The following TACC2 variants were observed in gnomAD, a reference collection of about 807,000 sequenced individuals.
TACC2 encodes transforming acidic coiled-coil containing protein 2, also known as transforming acidic coiled-coil-containing protein 2.
In TACC2, 137 loss-of-function variants were observed where a neutral mutation model predicts 227.3. The observed-to-expected ratio is 0.60, with a 90% CI of 0.52 to 0.69. TACC2 has a LOEUF of 0.69. TACC2 is among the 30% of genes least tolerant of loss of function. The pLI is 0.00. For missense variants in TACC2, 3,470 were observed against 3,694.4 expected (o/e 0.94, Z 1.57); for synonymous variants, 1,523 against 1,487.5 (o/e 1.02, Z -0.55).
intron 5 of TACC2, among the ~76,000 whole-genome samples, chr10:122,102,664 C>T (rs763349954): frequency 5.9e-5 from 9 of 152,164 alleles, no homozygotes; most frequent in Non-Finnish European, 1.3e-4. Flanking sequence ...CACACTGGCC[C>T]CTGGGAGAGC....
rs199696107 is a variant in TACC2, at chr10:122,210,651, G to C, written c.6226G>C (p.Val2076Leu). 2.5e-6 allele frequency: 4 copies of C among 1,613,946 alleles called. No individual in the cohort carries two copies. Among genetic ancestry groups the C allele is most frequent in the South Asian group, 1.1e-5 (1 of 91,062 alleles). The change falls in exon 9 of 23, where the codon GTC becomes CTC. Residue 2076 changes from valine (V) to leucine (L), a missense_variant. Val to Leu is a conservative substitution (Grantham distance 32, BLOSUM62 1). Around this residue, in one of 10 missense-constraint regions of TACC2, gnomAD observed 593 missense variants for 636.6 expected, o/e 0.93. Transcript: ENST00000369005. The surrounding 1 kb of genome is among the most constrained non-coding windows in gnomAD (Gnocchi z 4.6). Reference protein sequence around the residue: ...VNTRRKSTDSVPISKSTLSRS... With the variant: ...VNTRRKSTDSLPISKSTLSRS... ...CACACGGAGGAAGTCCACGGATTCCGTCCCCATCTCTAAGTCTACACTGTC... is the reference window on the plus strand; with the variant it reads ...CACACGGAGGAAGTCCACGGATTCCCTCCCCATCTCTAAGTCTACACTGTC...
At chr10:122,245,698 G>C (rs574964807) in intron 19 of TACC2, among the ~76,000 whole-genome samples, 20 of 152,202 alleles carry the variant, frequency 1.3e-4, no homozygotes, top group Admixed American at 7.8e-4. Context: ...CTGATTCCAG[G>C]GGTCACAGAG....
chr10:122,121,893 C>G (rs1489746425), intron 5 of TACC2, among the ~76,000 whole-genome samples: 2 of 152,206 alleles, frequency 1.3e-5, no homozygotes, highest in African/African-American at 4.8e-5. Flanking sequence ...TGGGGCTGTG[C>G]CGCTGAACTC....
chr10:122,240,117 C>T (rs2095954050), intron 18 of TACC2, among the ~76,000 whole-genome samples: 1 of 152,144 alleles, frequency 6.6e-6, no homozygotes, highest in Non-Finnish European at 1.5e-5. Flanking sequence ...GAGAGCACTG[C>T]CTCTTAGGGT....
chr10:122,085,468 C>G lies in TACC2; in HGVS notation c.2968C>G (p.Pro990Ala). 6.2e-7 allele frequency: 1 copy of G among 1,613,710 alleles called. No individual in the cohort carries two copies. Among genetic ancestry groups the G allele is most frequent in the Non-Finnish European group, 8.5e-7 (1 of 1,180,028 alleles). The change falls in exon 4 of 23, where the codon CCA becomes GCA. Residue 990 changes from proline to alanine, a missense_variant. Pro to Ala is a conservative substitution (Grantham distance 27). Around this residue, in one of 10 missense-constraint regions of TACC2, gnomAD observed 1,924 missense variants for 1,978.3 expected, o/e 0.97. Coordinates refer to ENST00000369005, the MANE Select transcript of TACC2 (RefSeq NM_206862.4). ...RKETCCTGQG[P>A]NKSQQALADA... ...GGAAACTTGCTGCACTGGGCAGGGG[C>G]CAAACAAGTCTCAACAGGCATTGGC...
chr10:122,226,871 T>G (rs923166924), intron 13 of TACC2, among the ~76,000 whole-genome samples: 3 of 152,174 alleles, frequency 2.0e-5, no homozygotes, highest in Non-Finnish European at 4.4e-5. Flanking sequence ...TCTCGCCCAG[T>G]GCACACACAC....
At chr10:122,207,296 C>T (rs876442) in intron 8 of TACC2, among the ~76,000 whole-genome samples, 2 of 144,964 alleles carry the variant, frequency 1.4e-5, no homozygotes, top group East Asian at 4.0e-4. Context: ...GGGACTATTT[C>T]AAAAAAAAAA....
At chr10:122,147,391 C>T (rs944681008) in intron 7 of TACC2, among the ~76,000 whole-genome samples, 4 of 152,150 alleles carry the variant, frequency 2.6e-5, no homozygotes, top group Admixed American at 2.0e-4. Flanking sequence ...GTGACCCGTC[C>T]GCCTTGACCT....
At chr10:122,202,946 G>A (rs1161247480) in intron 8 of TACC2, among the ~76,000 whole-genome samples, 2 of 151,382 alleles carry the variant, frequency 1.3e-5, no homozygotes, top group Non-Finnish European at 2.9e-5. Flanking sequence ...AGTGGATACA[G>A]CACATGTTTC....
chr10:122,101,724 T>C (rs1397015451), intron 5 of TACC2, among the ~76,000 whole-genome samples: 1 of 22,320 alleles, frequency 4.5e-5, no homozygotes, highest in African/African-American at 1.5e-4. Flanking sequence ...CATGCCCAGC[T>C]TTTTTTTTTT....
In TACC2 at chr10:122,084,107, C is replaced by T. The variant is rs763681670; in HGVS notation, c.1607C>T (p.Pro536Leu). The change falls in exon 4 of 23, where the codon CCC becomes CTC. Residue 536 changes from proline (P) to leucine (L), a missense_variant. Physicochemically the swap from Pro to Leu is moderately conservative, Grantham distance 98. Around this residue, in one of 10 missense-constraint regions of TACC2, gnomAD observed 1,924 missense variants for 1,978.3 expected, o/e 0.97. Coordinates refer to ENST00000369005, the MANE Select transcript of TACC2 (RefSeq NM_206862.4). Reference protein sequence around the residue: ...VQPGAPPPPLPKAPSESARGP... With the variant: ...VQPGAPPPPLLKAPSESARGP... Reference sequence around the variant, plus strand: ...CCAGGAGCACCACCCCCTCCTCTTCCCAAGGCACCAAGTGAAAGTGCCAGA... The same window carrying T: ...CCAGGAGCACCACCCCCTCCTCTTCTCAAGGCACCAAGTGAAAGTGCCAGA... 6 of 1,613,918 alleles carry T rather than the reference C, an allele frequency of 3.7e-6. No homozygotes were observed. In the African/African-American group the frequency reaches 6.7e-5, roughly 18 times the overall value.
At chr10:122,016,625 G>C (rs963882761) in intron 1 of TACC2, among the ~76,000 whole-genome samples, 2 of 151,640 alleles carry the variant, frequency 1.3e-5, no homozygotes, top group Non-Finnish European at 2.9e-5. Flanking sequence ...CACCTCTGTG[G>C]TCTGAAGCTC....
In TACC2 at chr10:121,999,841, A is replaced by T. The variant is rs554815895; in HGVS notation, c.-46+10353A>T. Among the ~76,000 whole-genome samples the T allele has an allele frequency of 8.5e-5, 13 of 152,344 alleles. 1 individual carries two copies. The East Asian group carries it at 2.5e-3, about 29-fold the overall frequency. ...AAGGGCAATCGGTCACTCCTTCCAG[A>T]GCTTCGGTCAGATGGGTAGATACCA... On this transcript the variant is annotated intron_variant, in intron 1 of 22. Coordinates refer to ENST00000369005, the MANE Select transcript of TACC2 (RefSeq NM_206862.4).
chr10:122,046,175 CA>C (rs1339823336), intron 2 of TACC2, among the ~76,000 whole-genome samples: 3 of 145,374 alleles, frequency 2.1e-5, no homozygotes, highest in African/African-American at 7.6e-5. Flanking sequence ...AACTCCATCT[CA>C]AAAATCATAA....
chr10:122,077,790 G>A (rs1361824284), intron 3 of TACC2, among the ~76,000 whole-genome samples: 2 of 152,194 alleles, frequency 1.3e-5, no homozygotes, highest in East Asian at 3.9e-4. Context: ...TTGCGTTACC[G>A]GCTCTTTGAC....
At chr10:122,164,871 G>C (rs1247066570) in intron 7 of TACC2, among the ~76,000 whole-genome samples, 1 of 152,152 alleles carries the variant, frequency 6.6e-6, no homozygotes, top group Non-Finnish European at 1.5e-5. Context: ...TAGTAAAGTG[G>C]GTTCTTAAGA....
intron 6 of TACC2, among the ~76,000 whole-genome samples, chr10:122,142,493 A>G (rs551671506): frequency 2.6e-5 from 4 of 152,346 alleles, no homozygotes; most frequent in Admixed American, 1.3e-4. Context: ...GTGGGTGCCT[A>G]TGGCAGCTGC....
intron 3 of TACC2, among the ~76,000 whole-genome samples, chr10:122,057,756 G>T (rs1465154570): frequency 6.6e-6 from 1 of 152,140 alleles, no homozygotes; most frequent in Non-Finnish European, 1.5e-5. Context: ...AACCCAGGAG[G>T]TGGAGGTTGG....
chr10:122,028,797 C>T (rs181207405), intron 2 of TACC2, among the ~76,000 whole-genome samples: 1 of 72,838 alleles, frequency 1.4e-5, no homozygotes, highest in Non-Finnish European at 2.7e-5. Context: ...CCTCCCCTCC[C>T]CTCCTCTCCC....
Sources: gnomAD v4.1 joint callset for allele counts (sites outside exome capture counted in the v4.1 genomes callset) on GRCh38, gnomAD v4.1.1 for gene constraint, gnomAD v4.1.1 regional missense constraint, Gnocchi (gnomAD v3.1) non-coding constraint, MANE v1.5 for transcripts, NCBI Gene and HGNC (gene_info 2026-07-23, HGNC 2026-07-21) for gene names.